ZNF385C: variants seen among roughly 807,000 people sequenced by gnomAD.
ZNF385C encodes the protein CTD-2132N18.2.
In ZNF385C, 28 loss-of-function variants were observed where a neutral mutation model predicts 35.4. The ratio of observed to expected loss-of-function variants is 0.79; its 90% confidence interval spans 0.59 to 1.08. The LOEUF is 1.08. ZNF385C is among the 50% of genes least tolerant of loss of function. The pLI is 0.00. For synonymous variants in ZNF385C, 248 were observed against 248.2 expected (o/e 1.00, Z 0.01); for missense variants, 605 against 595.6 (o/e 1.02, Z -0.16).
intron 2 of ZNF385C, among the ~76,000 whole-genome samples, chr17:42,060,175 C>T (rs2053439978): frequency 6.6e-6 from 1 of 152,162 alleles, no homozygotes; most frequent in African/African-American, 2.4e-5. Flanking sequence ...CCCTCTGTGG[C>T]ACTGCCTAAG....
At chr17:42,051,733 G>A (rs2053285181) in intron 2 of ZNF385C, among the ~76,000 whole-genome samples, 1 of 152,074 alleles carries the variant, frequency 6.6e-6, no homozygotes, top group African/African-American at 2.4e-5. Context: ...AATTGGGTAC[G>A]CTGCTCTTCT....
chr17:42,033,799 G>A (rs188691253), intron 4 of ZNF385C, among the ~76,000 whole-genome samples: 3 of 152,200 alleles, frequency 2.0e-5, no homozygotes, highest in Admixed American at 2.0e-4. Flanking sequence ...CCGTCTCACA[G>A]ATGTATCATG....
chr17:42,048,097 C>G (rs73309779), intron 2 of ZNF385C, among the ~76,000 whole-genome samples: 1,924 of 152,242 alleles, frequency 0.013, 36 homozygotes, highest in African/African-American at 0.044. Flanking sequence ...CTCCTCCCCC[C>G]CTTCCCAACT....
intron 2 of ZNF385C, chr17:42,043,593 TA>T: frequency 2.6e-6 from 1 of 387,250 alleles, no homozygotes. Context: ...GCAGAGGTGT[TA>T]GGGGTCTGTC....
intron 1 of ZNF385C, among the ~76,000 whole-genome samples, chr17:42,089,586 T>A (rs1555660344): frequency 1.3e-5 from 2 of 152,186 alleles, no homozygotes; most frequent in East Asian, 3.8e-4. Context: ...GAAATGGATA[T>A]AAGAAAACTC....
chr17:42,045,048 G>A (rs2053123623), intron 2 of ZNF385C, among the ~76,000 whole-genome samples: 1 of 152,020 alleles, frequency 6.6e-6, no homozygotes, highest in South Asian at 2.1e-4. Context: ...CTCCCAAGTA[G>A]CTGGGACTAC....
rs371485537 is a variant in ZNF385C at position 42,091,473 on chromosome 17, C to T, written c.-3+6937G>A. Among the ~76,000 whole-genome samples, 23 of 152,308 alleles carry T rather than the reference C, an allele frequency of 1.5e-4. No homozygotes were observed. In the South Asian group the frequency reaches 4.6e-3, roughly 30 times the overall value. The stretch of plus-strand genomic sequence containing the variant: ...ACAAAAAAGAAAAGAGGATACAAAA[C>T]CAGTCCTGCTCCTGATTTTTGCCCT... On this transcript the variant is annotated intron_variant, in intron 1 of 8. Coordinates refer to ENST00000692273, the MANE Select transcript of ZNF385C (RefSeq NM_001392013.1).
intron 4 of ZNF385C, 136 bp downstream of exon 4, chr17:42,034,089 T>G: frequency 2.8e-6 from 2 of 720,810 alleles, no homozygotes; most frequent in East Asian, 2.7e-5. Context: ...GTGCCTCTTC[T>G]GCAGCCAGGG....
At position 42,041,029 on chromosome 17, in the gene ZNF385C, G is replaced by T. The variant is rs2053006543; in HGVS notation, c.251-3144C>A. The T allele has an allele frequency of 4.1e-6, 5 of 1,232,252 alleles. No homozygotes were observed. The Admixed American group carries it at 2.1e-4, about 52-fold the overall frequency. The allele number at this position is 1,232,252 out of a possible 1,614,324, so 76.3% of individuals were successfully genotyped here. Reference sequence around the variant, plus strand: ...CTGTAGCTCCACACTGCCCAGGAAGGTGGTGGCGGGCTGGCCATCACAGGG... The same window carrying T: ...CTGTAGCTCCACACTGCCCAGGAAGTTGGTGGCGGGCTGGCCATCACAGGG... On this transcript the variant is annotated intron_variant, in intron 2 of 8. Transcript: ENST00000692273.
rs1598177578 is a variant in ZNF385C, at chr17:42,028,859, A to C, written c.891T>G (p.Ser297Arg). Residue 297 changes from serine to arginine, a missense_variant, in exon 6 of 9, where the codon AGT becomes AGG. Ser to Arg is a moderately radical substitution (Grantham distance 110). Transcript: ENST00000692273. The part of the protein sequence containing the change: ...VGSSMSGEGR[S>R]EKGHLYCPTC... ...TGGGGCAGTAGAGGTGCCCCTTCTC[A>C]CTCCTGCCTTCCCCACTCATGCTGC... 1 of 1,549,974 alleles carries C rather than the reference A, an allele frequency of 6.5e-7. No individual in the cohort carries two copies. The highest frequency in any genetic ancestry group is 1.2e-5 in the South Asian group (1 of 84,034).
At position 42,028,227 on chromosome 17, in the gene ZNF385C, C is replaced by G. The variant is rs555844030; in HGVS notation, c.987G>C (p.Met329Ile). The G allele has an allele frequency of 3.9e-6, 6 of 1,543,096 alleles. 1 individual carries two copies. The Admixed American group carries it at 1.3e-4, about 32-fold the overall frequency. ...GGGGAGCCCCTCGCTGACCTTCCAT[C>G]ATCCACCGGTGCTTGGCTCCTGGAG... ...AHNTGAKHRW[M>I]MEGQRGAPRR... The change falls in exon 7 of 9, where the codon ATG becomes ATC. Residue 329 changes from methionine (M) to isoleucine (I), a missense_variant. Transcript: ENST00000692273.
chr17:42,074,738 T>A (rs2053666755), intron 1 of ZNF385C, among the ~76,000 whole-genome samples: 1 of 152,238 alleles, frequency 6.6e-6, no homozygotes, highest in African/African-American at 2.4e-5. Flanking sequence ...AGTCGTGGTA[T>A]ACCATATGTA....
At chr17:42,029,122 A>G (rs1555654737) in intron 5 of ZNF385C, 49 bp from the exon 6 acceptor site, 2 of 1,515,260 alleles carry the variant, frequency 1.3e-6, no homozygotes, top group Non-Finnish European at 1.8e-6. Context: ...GCTGCAGACC[A>G]CGATCTTCAG....
intron 2 of ZNF385C, chr17:42,040,121 C>T: frequency 8.1e-7 from 1 of 1,231,418 alleles, no homozygotes. Context: ...AGCGCCCCCT[C>T]GCCATGCGTG....
intron 1 of ZNF385C, among the ~76,000 whole-genome samples, chr17:42,086,763 T>A (rs1468749387): frequency 6.6e-6 from 1 of 150,708 alleles, no homozygotes; most frequent in African/African-American, 2.4e-5. Flanking sequence ...AAAATTAATT[T>A]AAAAACACAA....
chr17:42,037,817 G>C lies in ZNF385C; in HGVS notation c.319C>G (p.Pro107Ala). Reference protein sequence around the residue: ...SLPLPTRPLQPPLDFKHLLAF... With the variant: ...SLPLPTRPLQAPLDFKHLLAF... ...AGCAAGTGCTTGAAGTCCAGCGGGG[G>C]CTGCAGAGGCCGGGTGGGCAGGGGC... Residue 107 changes from proline (P) to alanine (A), a missense_variant, in exon 3 of 9, where the codon CCC becomes GCC. Pro to Ala is a conservative substitution (Grantham distance 27). Transcript: ENST00000692273. The C allele has an allele frequency of 6.6e-7, 1 of 1,522,718 alleles. No individual in the cohort carries two copies. The highest frequency in any genetic ancestry group is 8.8e-7 in the Non-Finnish European group (1 of 1,133,904). The allele number at this position is 1,522,718 out of a possible 1,614,324, so 94.3% of individuals were successfully genotyped here. A position where few individuals can be genotyped will look rare whatever the true frequency, so the allele number is the denominator to read the frequency against.
At chr17:42,065,203 T>C (rs902658936) in intron 1 of ZNF385C, 1 of 152,198 alleles carries the variant, frequency 6.6e-6, no homozygotes, top group Non-Finnish European at 1.5e-5. Context: ...CAGATAGTTA[T>C]AGAGGGAAGA....
chr17:42,027,632 C>G lies in ZNF385C; in HGVS notation c.1261G>C (p.Val421Leu). The G allele has an allele frequency of 1.4e-6, 2 of 1,458,984 alleles. No homozygotes were observed. Among genetic ancestry groups the G allele is most frequent in the Non-Finnish European group, 1.8e-6 (2 of 1,085,776 alleles). 90.4% of individuals were successfully genotyped at this position (1,458,984 alleles called of 1,614,324 possible). ...SKLQKHAALAVSILKSKLALQ... is the reference protein window; with the variant it reads ...SKLQKHAALALSILKSKLALQ... Reference sequence around the variant, plus strand: ...GAGACAGATACCTTGAGGATACTCACAGCCAGCGCTGCGTGCTTCTGCAGC... The same window carrying G: ...GAGACAGATACCTTGAGGATACTCAGAGCCAGCGCTGCGTGCTTCTGCAGC... Residue 421 changes from valine (V) to leucine (L), a missense_variant, in exon 8 of 9, where the codon GTG becomes CTG. Physicochemically the swap from Val to Leu is conservative, Grantham distance 32. Transcript: ENST00000692273.
At chr17:42,096,611 C>A (rs932386315) in intron 1 of ZNF385C, among the ~76,000 whole-genome samples, 2 of 152,138 alleles carry the variant, frequency 1.3e-5, no homozygotes, top group Admixed American at 1.3e-4. Context: ...TTCAGTCACT[C>A]GTATTATTTA....
Sources: gnomAD v4.1 joint callset for allele counts (sites outside exome capture counted in the v4.1 genomes callset) on GRCh38, gnomAD v4.1.1 for gene constraint, MANE v1.5 for transcripts, NCBI Gene and HGNC (gene_info 2026-07-23, HGNC 2026-07-21) for gene names.